Variants in ACTR3 observed in about 807,000 individuals in gnomAD.
The protein encoded by ACTR3 is actin related protein 3.
In ACTR3, 12 loss-of-function variants were observed where a neutral mutation model predicts 56.8. That is an observed-to-expected ratio of 0.21 (90% confidence interval 0.14 to 0.34). ACTR3 has a LOEUF of 0.34. Among genes scored for constraint, ACTR3 ranks in the 10% least tolerant of loss-of-function variants. ACTR3 has a pLI of 1.00. For missense variants in ACTR3, 282 were observed against 512.5 expected, an observed-to-expected ratio of 0.55 and a Z score of 4.34; for synonymous variants, 162 against 167.4, an observed-to-expected ratio of 0.97 and a Z score of 0.25.
At chr2:113,894,052 T>C (rs1258553703) in intron 1 of ACTR3, among the ~76,000 whole-genome samples, 2 of 152,054 alleles carry the variant, frequency 1.3e-5, no homozygotes, top group African/African-American at 4.8e-5. Flanking sequence ...TCATGTTTCT[T>C]CCATGAATTC....
intron 8 of ACTR3, among the ~76,000 whole-genome samples, chr2:113,948,558 T>A (rs984915093): frequency 5.9e-5 from 9 of 152,208 alleles, no homozygotes; most frequent in African/African-American, 2.2e-4. Flanking sequence ...TTTCATCTCA[T>A]TTGTTACATT....
chr2:113,896,000 A>G (rs566405866), intron 1 of ACTR3, among the ~76,000 whole-genome samples: 1 of 151,902 alleles, frequency 6.6e-6, no homozygotes, highest in South Asian at 2.1e-4. Context: ...CTGGGACTAC[A>G]GGCACATGCC....
At chr2:113,903,813 A>T in intron 1 of ACTR3, among the ~76,000 whole-genome samples, 1 of 147,650 alleles carries the variant, frequency 6.8e-6, no homozygotes, top group East Asian at 2.1e-4. Flanking sequence ...TTCTTTTTAA[A>T]AATATTTTTA....
chr2:113,911,925 G>A (rs1248525872), intron 1 of ACTR3, among the ~76,000 whole-genome samples: 1 of 148,406 alleles, frequency 6.7e-6, no homozygotes, highest in Non-Finnish European at 1.5e-5. Flanking sequence ...TAGTAGAGTT[G>A]GGGGTTTCAC....
chr2:113,928,756 A>C (rs1264481348), intron 4 of ACTR3, among the ~76,000 whole-genome samples: 1 of 152,110 alleles, frequency 6.6e-6, no homozygotes, highest in Non-Finnish European at 1.5e-5. Flanking sequence ...TGCAGGATGC[A>C]TGATGTGATT....
At chr2:113,923,623 C>T (rs1679560713) in intron 3 of ACTR3, among the ~76,000 whole-genome samples, 1 of 152,182 alleles carries the variant, frequency 6.6e-6, no homozygotes, top group Non-Finnish European at 1.5e-5. Context: ...GCATGAGCCA[C>T]TGTGCCCGGC....
At chr2:113,923,868 T>C (rs891112923) in intron 3 of ACTR3, among the ~76,000 whole-genome samples, 4 of 152,094 alleles carry the variant, frequency 2.6e-5, no homozygotes, top group Non-Finnish European at 4.4e-5. Context: ...GTTCCTTGAC[T>C]ACATCTTCAC....
intron 1 of ACTR3, among the ~76,000 whole-genome samples, chr2:113,899,327 A>G (rs17197618): frequency 0.089 from 13,480 of 152,122 alleles, 640 homozygotes; most frequent in East Asian, 0.18. Context: ...TAATTATTTT[A>G]CTCACTATGT....
intron 4 of ACTR3, among the ~76,000 whole-genome samples, chr2:113,929,584 C>G (rs966482288): frequency 6.6e-6 from 1 of 152,152 alleles, no homozygotes; most frequent in Non-Finnish European, 1.5e-5. Context: ...TAGGGAAACT[C>G]ATGGGAACTT....
At position 113,960,078 on chromosome 2, in the gene ACTR3, C is replaced by T. The variant is rs1439656149; in HGVS notation, c.*2623C>T. On this transcript the variant is annotated 3_prime_UTR_variant, in exon 12 of 12. Transcript: ENST00000263238. ...AGTAGATTCTGACTGCAAAACCTAGCCTTTTCTATTGATTCATTAGTGGTA... is the reference window on the plus strand; with the variant it reads ...AGTAGATTCTGACTGCAAAACCTAGTCTTTTCTATTGATTCATTAGTGGTA... The T allele has an allele frequency of 6.6e-6, 1 of 151,886 alleles. No homozygotes were observed. Among genetic ancestry groups the T allele is most frequent in the Non-Finnish European group, 1.5e-5 (1 of 67,886 alleles). 9.4% of individuals were successfully genotyped at this position (151,886 alleles called of 1,614,324 possible). A position where few individuals can be genotyped will look rare whatever the true frequency, so the allele number is the denominator to read the frequency against.
At chr2:113,905,519 T>C (rs1380016979) in intron 1 of ACTR3, among the ~76,000 whole-genome samples, 1 of 152,046 alleles carries the variant, frequency 6.6e-6, no homozygotes, top group East Asian at 1.9e-4. Flanking sequence ...GTTTACTGTT[T>C]AACTATTTCT....
At chr2:113,894,055 A>T (rs1678957880) in intron 1 of ACTR3, among the ~76,000 whole-genome samples, 1 of 151,944 alleles carries the variant, frequency 6.6e-6, no homozygotes, top group Non-Finnish European at 1.5e-5. Flanking sequence ...TGTTTCTTCC[A>T]TGAATTCTGT....
At chr2:113,902,724 T>G (rs1679124483) in intron 1 of ACTR3, among the ~76,000 whole-genome samples, 1 of 151,904 alleles carries the variant, frequency 6.6e-6, no homozygotes, top group South Asian at 2.1e-4. Context: ...CTCAGCCTCC[T>G]GAGTAGCTGA....
At chr2:113,899,201 A>G (rs1414252631) in intron 1 of ACTR3, among the ~76,000 whole-genome samples, 1 of 152,174 alleles carries the variant, frequency 6.6e-6, no homozygotes, top group African/African-American at 2.4e-5. Flanking sequence ...TTGCTGATAA[A>G]TTCAGGGCAG....
At chr2:113,899,365 AAC>A (rs2104581810) in intron 1 of ACTR3, among the ~76,000 whole-genome samples, 1 of 148,016 alleles carries the variant, frequency 6.8e-6, no homozygotes, top group South Asian at 2.1e-4. Flanking sequence ...GACTGCACAA[AAC>A]ACATATGAAA....
chr2:113,927,291 TTTG>T (rs1679639675), intron 3 of ACTR3, 51 bp from the exon 4 acceptor site: 2 of 1,221,018 alleles, frequency 1.6e-6, no homozygotes. Context: ...TGTATTTTTA[TTTG>T]TTTTTTATAT....
chr2:113,944,425 G>A (rs2104621917), intron 8 of ACTR3, among the ~76,000 whole-genome samples: 1 of 151,984 alleles, frequency 6.6e-6, no homozygotes, highest in East Asian at 1.9e-4. Flanking sequence ...AGTTGAAGAA[G>A]TTCATCATCA....
chr2:113,957,787 G>T lies in ACTR3; in HGVS notation c.*332G>T. On this transcript the variant is annotated 3_prime_UTR_variant, in exon 12 of 12. Transcript: ENST00000263238. Reference sequence around the variant, plus strand: ...ATCAGTGTGTAGATAGCTCTATAATGCTTGAATTGTACACTTCTAAGTGTG... The same window carrying T: ...ATCAGTGTGTAGATAGCTCTATAATTCTTGAATTGTACACTTCTAAGTGTG... 4.9e-6 allele frequency: 1 copy of T among 202,392 alleles called. No individual in the cohort carries two copies. The highest frequency in any genetic ancestry group is 1.0e-5 in the Non-Finnish European group (1 of 98,452). 12.5% of individuals were successfully genotyped at this position (202,392 alleles called of 1,614,324 possible). A position where few individuals can be genotyped will look rare whatever the true frequency, so the allele number is the denominator to read the frequency against.
At chr2:113,936,031 G>C (rs1185188093) in intron 6 of ACTR3, among the ~76,000 whole-genome samples, 1 of 152,158 alleles carries the variant, frequency 6.6e-6, no homozygotes, top group Admixed American at 6.5e-5. Context: ...GGTGGCTCAT[G>C]CCTGTAATCC....
Sources: allele counts gnomAD v4.1 joint callset (sites outside exome capture counted in the v4.1 genomes callset), GRCh38; gene constraint gnomAD v4.1.1; transcripts MANE v1.5; gene names NCBI Gene and HGNC (gene_info 2026-07-23, HGNC 2026-07-21).